ABCC4: variants seen among roughly 807,000 people sequenced by gnomAD.
ABCC4 encodes ATP binding cassette subfamily C member 4 (PEL blood group).
In ABCC4, 102 loss-of-function variants were observed where a neutral mutation model predicts 168.5. The observed-to-expected ratio is 0.61, with a 90% confidence interval of 0.52 to 0.71. The LOEUF (loss-of-function observed/expected upper bound fraction) is 0.71, where lower values mean the gene tolerates loss of function less well. Among genes scored for constraint, ABCC4 ranks in the 30% least tolerant of loss-of-function variants. The pLI, the probability that ABCC4 is intolerant of heterozygous loss-of-function variation, is 0.00. For missense variants in ABCC4, 1,402 were observed against 1,605.8 expected (o/e 0.87, Z 2.17); for synonymous variants, 617 against 590.7 (o/e 1.04, Z -0.65).
intron 26 of ABCC4, chr13:95,053,746 G>A (rs1458850132): frequency 6.4e-6 from 1 of 156,086 alleles, no homozygotes; most frequent in Non-Finnish European, 1.4e-5. Context: ...GGAGGTCGAG[G>A]CGGGTGGATC....
At chr13:95,225,787 A>C (rs981154577) in intron 4 of ABCC4, among the ~76,000 whole-genome samples, 1 of 151,288 alleles carries the variant, frequency 6.6e-6, no homozygotes, top group Non-Finnish European at 1.5e-5. Context: ...TATAAAATAT[A>C]AAAATATAAC....
intron 19 of ABCC4, among the ~76,000 whole-genome samples, chr13:95,130,898 T>A (rs1292087646): frequency 6.6e-6 from 1 of 152,206 alleles, no homozygotes; most frequent in Non-Finnish European, 1.5e-5. Flanking sequence ...CATTTCCGGC[T>A]TCCCCACAGG....
intron 20 of ABCC4, among the ~76,000 whole-genome samples, chr13:95,108,094 C>A (rs990956844): frequency 4.6e-5 from 7 of 152,120 alleles, no homozygotes; most frequent in African/African-American, 1.4e-4. Context: ...TGAGTAGTCT[C>A]CACAGCTGGG....
chr13:95,044,393 T>C lies in ABCC4; in HGVS notation c.3502A>G (p.Thr1168Ala). 6.2e-7 allele frequency: 1 copy of C among 1,613,466 alleles called. No individual in the cohort carries two copies. The highest frequency in any genetic ancestry group is 1.7e-4 in the Middle Eastern group (1 of 6,054). The change falls in exon 28 of 31, where the codon ACT becomes GCT. Residue 1168 changes from threonine to alanine, a missense_variant. By Grantham distance (58) the Thr-to-Ala change is moderately conservative. This residue lies in a region of ABCC4 where 1,007 missense variants were observed against 1,127.3 expected (regional missense o/e 0.89). Coordinates refer to ENST00000645237, the MANE Select transcript of ABCC4 (RefSeq NM_005845.5). ...TTGGATCCTGATTCTGCTAATTCAG[T>C]ATCCATTTTACCAGGAAGATCTTCA... ...TIEDLPGKMD[T>A]ELAESGSNFS...
At chr13:95,032,820 A>G (rs572603226) in intron 30 of ABCC4, among the ~76,000 whole-genome samples, 2 of 150,798 alleles carry the variant, frequency 1.3e-5, no homozygotes, top group Admixed American at 6.6e-5. Flanking sequence ...GTGTGCCACC[A>G]CGCCCAGCTA....
At chr13:95,090,708 G>T (rs1594078911) in intron 20 of ABCC4, among the ~76,000 whole-genome samples, 1 of 152,268 alleles carries the variant, frequency 6.6e-6, no homozygotes, top group East Asian at 1.9e-4. Flanking sequence ...CTGATAATGT[G>T]ACAAAATAAG....
chr13:95,264,003 T>C (rs560544043), intron 1 of ABCC4, among the ~76,000 whole-genome samples: 38 of 152,212 alleles, frequency 2.5e-4, no homozygotes, highest in Admixed American at 2.2e-3. Context: ...ACAAAAGTAA[T>C]GAAATGTTCA....
intron 19 of ABCC4, among the ~76,000 whole-genome samples, chr13:95,153,596 A>T (rs2036762590): frequency 6.6e-6 from 1 of 152,252 alleles, no homozygotes; most frequent in African/African-American, 2.4e-5. Flanking sequence ...TTACATGATT[A>T]TCACTTTGAA....
intron 3 of ABCC4, among the ~76,000 whole-genome samples, chr13:95,239,808 G>C (rs2039880864): frequency 6.6e-6 from 1 of 152,134 alleles, no homozygotes; most frequent in South Asian, 2.1e-4. Flanking sequence ...CTTTCCTATA[G>C]GTGTACTGTA....
At chr13:95,039,419 A>C (rs1202522739) in intron 29 of ABCC4, among the ~76,000 whole-genome samples, 1 of 152,164 alleles carries the variant, frequency 6.6e-6, no homozygotes, top group African/African-American at 2.4e-5. Context: ...TGTACAGAAA[A>C]AAGGGCATAA....
At chr13:95,088,900 A>G (rs1310782994) in intron 20 of ABCC4, among the ~76,000 whole-genome samples, 3 of 152,046 alleles carry the variant, frequency 2.0e-5, no homozygotes, top group African/African-American at 7.2e-5. Flanking sequence ...AAAAATCAAC[A>G]AACCCAAAGC....
intron 8 of ABCC4, among the ~76,000 whole-genome samples, chr13:95,195,873 A>G (rs1041353236): frequency 1.3e-5 from 2 of 152,102 alleles, no homozygotes; most frequent in Non-Finnish European, 2.9e-5. Context: ...GCCTCAAGCA[A>G]TCTACCCACC....
chr13:95,145,598 C>T (rs1430738854), intron 19 of ABCC4, among the ~76,000 whole-genome samples: 2 of 120,060 alleles, frequency 1.7e-5, no homozygotes, highest in Non-Finnish European at 3.3e-5. Context: ...CACTGGACAA[C>T]AGAGGAGACC....
In ABCC4 at chr13:95,196,184, T is replaced by A. The variant is rs149814071; in HGVS notation, c.1162-1247A>T. Among the ~76,000 whole-genome samples, 435 of 145,284 alleles carry A rather than the reference T, an allele frequency of 3.0e-3. 4 individuals carry two copies. The highest frequency in any genetic ancestry group is 4.5e-3 in the Non-Finnish European group (291 of 64,256). ...TTAGAAACAGAATAAACAACCTAGA[T>A]CACCCCCACCCCATCCAAAATTTTG... On this transcript the variant is annotated intron_variant, in intron 8 of 30. Coordinates refer to ENST00000645237, the MANE Select transcript of ABCC4 (RefSeq NM_005845.5).
chr13:95,028,815 T>C (rs1035508481), intron 30 of ABCC4, among the ~76,000 whole-genome samples: 1 of 145,966 alleles, frequency 6.9e-6, no homozygotes, highest in Non-Finnish European at 1.5e-5. Context: ...GGAAGTTAAT[T>C]GGGAAAAGTG....
chr13:95,084,639 T>G (rs950086551), intron 20 of ABCC4, among the ~76,000 whole-genome samples: 9 of 146,780 alleles, frequency 6.1e-5, no homozygotes, highest in Non-Finnish European at 1.1e-4. Flanking sequence ...TCTAACAGGG[T>G]TTTTTTTTTA....
At position 95,188,557 on chromosome 13, in the gene ABCC4, T is replaced by G; in HGVS notation, c.1264-15A>C. On this transcript the variant is annotated splice_polypyrimidine_tract_variant and intron_variant, in intron 9 of 30. Coordinates refer to ENST00000645237, the MANE Select transcript of ABCC4 (RefSeq NM_005845.5). ...GTCTCTGATGCCTACAAATTAAAGT[T>G]TATAAAATGTGCCCATTTCAATAAA... 1 of 1,587,990 alleles carries G rather than the reference T, an allele frequency of 6.3e-7. No individual in the cohort carries two copies. Among genetic ancestry groups the G allele is most frequent in the Non-Finnish European group, 8.6e-7 (1 of 1,160,890 alleles).
In ABCC4 at chr13:95,034,681, T is replaced by G. The variant is rs746655525; in HGVS notation, c.3794A>C (p.Lys1265Thr). The G allele has an allele frequency of 1.5e-5, 25 of 1,614,216 alleles. No individual in the cohort carries two copies. The highest frequency in any genetic ancestry group is 2.0e-5 in the Non-Finnish European group (24 of 1,180,048). The change falls in exon 30 of 31, where the codon AAA becomes ACA. Residue 1265 changes from lysine to threonine, a missense_variant. By Grantham distance (78) the Lys-to-Thr change is moderately conservative. Coordinates refer to ENST00000645237, the MANE Select transcript of ABCC4 (RefSeq NM_005845.5). ...CACCATCTTGTAAAATAGGCTCTCT[T>G]TATTTTGCAGCAAAACATACGGCTC... ...YDEPYVLLQNKESLFYKMVQQ... is the reference protein window; with the variant it reads ...YDEPYVLLQNTESLFYKMVQQ...
At chr13:95,224,930 T>C (rs907876023) in intron 4 of ABCC4, among the ~76,000 whole-genome samples, 2 of 152,090 alleles carry the variant, frequency 1.3e-5, no homozygotes, top group African/African-American at 4.8e-5. Context: ...GCATAAATAT[T>C]GTATGGCGGT....
Sources: allele counts gnomAD v4.1 joint callset (sites outside exome capture counted in the v4.1 genomes callset), GRCh38; gene constraint gnomAD v4.1.1; regional missense constraint gnomAD v4.1.1; transcripts MANE v1.5; gene names NCBI Gene and HGNC (gene_info 2026-07-23, HGNC 2026-07-21).